The following NEK5 variants were observed in gnomAD, a reference collection of about 807,000 sequenced individuals.
NEK5 encodes the protein serine/threonine-protein kinase Nek5.
In NEK5, 88 loss-of-function variants were observed where a neutral mutation model predicts 109.2. That is an observed-to-expected ratio of 0.81 (90% CI 0.68 to 0.96). The LOEUF is 0.96. Among genes scored for constraint, NEK5 ranks in the 40% least tolerant of loss-of-function variants. NEK5 has a pLI of 0.00. For synonymous variants in NEK5, 283 were observed against 299.9 expected, an observed-to-expected ratio of 0.94 and a Z score of 0.58; for missense variants, 834 against 920.7, an observed-to-expected ratio of 0.91 and a Z score of 1.22.
intron 4 of NEK5, 88 bp from the exon 5 acceptor site, chr13:52,112,453 C>A: frequency 1.2e-6 from 1 of 810,626 alleles, no homozygotes; most frequent in Non-Finnish European, 2.1e-6. Context: ...GGACTGGGTT[C>A]TAATTCCACT....
chr13:52,056,694 A>G (rs1055114680), intron 22 of NEK5, among the ~76,000 whole-genome samples: 1 of 151,710 alleles, frequency 6.6e-6, no homozygotes, highest in African/African-American at 2.4e-5. Context: ...CTCCTGAATG[A>G]CTAGTGGGTA....
At chr13:52,088,874 C>T (rs926680757) in intron 14 of NEK5, among the ~76,000 whole-genome samples, 1 of 151,436 alleles carries the variant, frequency 6.6e-6, no homozygotes, top group Non-Finnish European at 1.5e-5. Flanking sequence ...GTGGATCACC[C>T]GAGATCAGGA....
At chr13:52,086,140 T>TA (rs1257010345) in intron 16 of NEK5, 137 bp downstream of exon 16, 1 of 680,706 alleles carries the variant, frequency 1.5e-6, no homozygotes, top group Admixed American at 2.8e-5. Context: ...GCTTTCCTAT[T>TA]AAAAAAGAAG....
intron 13 of NEK5, among the ~76,000 whole-genome samples, chr13:52,091,253 A>C (rs902467133): frequency 1.7e-5 from 2 of 118,950 alleles, no homozygotes; most frequent in Non-Finnish European, 1.9e-5. Flanking sequence ...ATCTAGACAA[A>C]GAGTGGAAGA....
At position 52,111,569 on chromosome 13, in the gene NEK5, G is replaced by A. The variant is rs544056149; in HGVS notation, c.312+699C>T. Among the ~76,000 whole-genome samples, 11 of 152,156 alleles carry A rather than the reference G, an allele frequency of 7.2e-5. No homozygotes were observed. The South Asian group carries it at 2.3e-3, about 32-fold the overall frequency. On this transcript the variant is annotated intron_variant, in intron 5 of 23. Transcript: ENST00000684899. ...CATGATGCTCTTACATGCTAAAATA[G>A]AACAAAGAAACAATGGCCAAAGGAA...
At chr13:52,068,287 A>G (rs904139137) in intron 20 of NEK5, among the ~76,000 whole-genome samples, 1 of 152,152 alleles carries the variant, frequency 6.6e-6, no homozygotes, top group Non-Finnish European at 1.5e-5. Context: ...GTTCTGGGTA[A>G]TACCTCAGAC....
At chr13:52,074,208 C>T (rs1006354089) in intron 19 of NEK5, among the ~76,000 whole-genome samples, 1 of 152,086 alleles carries the variant, frequency 6.6e-6, no homozygotes, top group South Asian at 2.1e-4. Context: ...ACGCCAGAGT[C>T]GTCACATTAC....
At chr13:52,050,683 T>C (rs1954496240) in intron 22 of NEK5, among the ~76,000 whole-genome samples, 1 of 150,640 alleles carries the variant, frequency 6.6e-6, no homozygotes, top group Non-Finnish European at 1.5e-5. Context: ...GGAAAAGGAC[T>C]AGATTGAAGA....
intron 22 of NEK5, among the ~76,000 whole-genome samples, chr13:52,053,664 G>A (rs1482340755): frequency 1.3e-5 from 2 of 152,090 alleles, no homozygotes; most frequent in African/African-American, 2.4e-5. Context: ...AGACAAGCCC[G>A]AGATGGTACC....
At chr13:52,081,661 A>C (rs1325276197) in intron 17 of NEK5, among the ~76,000 whole-genome samples, 1 of 152,152 alleles carries the variant, frequency 6.6e-6, no homozygotes, top group Non-Finnish European at 1.5e-5. Context: ...ACCAATTACC[A>C]CCATTGGCAT....
intron 22 of NEK5, among the ~76,000 whole-genome samples, chr13:52,059,735 AT>A (rs1445333749): frequency 1.3e-4 from 20 of 151,280 alleles, no homozygotes; most frequent in Non-Finnish European, 2.7e-4. Context: ...ATTCTCACTC[AT>A]AGGTGGGAAT....
intron 13 of NEK5, 29 bp from the exon 14 acceptor site, chr13:52,089,342 T>C (rs1377518636): frequency 5.4e-6 from 8 of 1,480,468 alleles, no homozygotes; most frequent in Non-Finnish European, 7.5e-6. Context: ...TCAGCTTAAG[T>C]AGAAACTTGA....
Position 52,062,873 on chromosome 13 carries a change from C to A in NEK5, c.1976-920G>T, listed in dbSNP as rs189529996. 1.5e-4 allele frequency among the ~76,000 whole-genome samples: 23 copies of A among 152,228 alleles called. No individual in the cohort carries two copies. The East Asian group carries it at 3.9e-3, about 26-fold the overall frequency. On this transcript the variant is annotated intron_variant, in intron 21 of 23. Coordinates refer to ENST00000684899, the MANE Select transcript of NEK5 (RefSeq NM_001365552.1). Reference sequence around the variant, plus strand: ...TATATGTATCTTTGAACTATTAACTCTCGAAATCTTGTAGAGATAGCTACT... The same window carrying A: ...TATATGTATCTTTGAACTATTAACTATCGAAATCTTGTAGAGATAGCTACT...
intron 22 of NEK5, among the ~76,000 whole-genome samples, chr13:52,053,573 A>C (rs966893823): frequency 6.6e-6 from 1 of 151,874 alleles, no homozygotes; most frequent in Admixed American, 6.6e-5. Context: ...GAAGTTCCAG[A>C]GATTGAATCT....
intron 19 of NEK5, among the ~76,000 whole-genome samples, chr13:52,075,175 T>A (rs919472997): frequency 1.3e-5 from 2 of 152,222 alleles, no homozygotes; most frequent in Non-Finnish European, 2.9e-5. Context: ...TATACTCACA[T>A]GTTCATCCCA....
intron 23 of NEK5, among the ~76,000 whole-genome samples, chr13:52,040,589 T>C (rs972599865): frequency 1.3e-5 from 2 of 152,200 alleles, no homozygotes; most frequent in African/African-American, 4.8e-5. Context: ...AAATATACAG[T>C]ATTATAGTCT....
chr13:52,099,068 T>C (rs960976752), intron 12 of NEK5, among the ~76,000 whole-genome samples: 1 of 152,228 alleles, frequency 6.6e-6, no homozygotes, highest in Non-Finnish European at 1.5e-5. Flanking sequence ...AGAGTATAAC[T>C]GGGTTGTTTG....
chr13:52,105,284 G>C (rs553368833), intron 8 of NEK5, among the ~76,000 whole-genome samples: 51 of 150,876 alleles, frequency 3.4e-4, no homozygotes, highest in Admixed American at 4.6e-4. Context: ...TCAGAGAGAA[G>C]GAGAGAGAGA....
chr13:52,049,638 A>T (rs941366896), intron 23 of NEK5, among the ~76,000 whole-genome samples: 5 of 151,700 alleles, frequency 3.3e-5, no homozygotes, highest in Admixed American at 3.3e-4. Flanking sequence ...CACATAAAAT[A>T]CACTAACACT....
Sources: allele counts gnomAD v4.1 joint callset (sites outside exome capture counted in the v4.1 genomes callset), GRCh38; gene constraint gnomAD v4.1.1; transcripts MANE v1.5; gene names NCBI Gene and HGNC (gene_info 2026-07-23, HGNC 2026-07-21).